The following KLHL4 variants were observed in gnomAD, a reference collection of about 807,000 sequenced individuals.
KLHL4 encodes the protein kelch like family member 4.
In KLHL4, 17 loss-of-function variants were observed where a neutral mutation model predicts 45.8. The ratio of observed to expected loss-of-function variants is 0.37; its 90% CI spans 0.25 to 0.56. The LOEUF (loss-of-function observed/expected upper bound fraction) is 0.56. KLHL4 is among the 20% of genes least tolerant of loss of function. The pLI is 0.79. For missense variants in KLHL4, 544 were observed against 544.9 expected (o/e 1.00, Z 0.02); for synonymous variants, 224 against 189.9 (o/e 1.18, Z -1.47).
At chrX:87,663,739 A>G (rs1000809076) in intron 9 of KLHL4, among the ~76,000 whole-genome samples, 1 of 112,340 alleles carries the variant, frequency 8.9e-6, no homozygotes, top group African/African-American at 3.2e-5. Context: ...GATATGCTAC[A>G]TGACACTCAA....
In KLHL4 at chrX:87,547,202, G is replaced by A. The variant is rs140201258; in HGVS notation, c.422+28887G>A. Among the ~76,000 whole-genome samples the A allele has an allele frequency of 4.6e-3, 512 of 111,286 alleles. 3 individuals carry two copies. Among genetic ancestry groups the A allele is most frequent in the African/African-American group, 0.016 (480 of 30,586 alleles). The stretch of plus-strand genomic sequence containing the variant: ...TGATTTGTAATTCCCAGGTGTTGAC[G>A]GAGGGACCTGGTGGGAGGCGATTTG... On this transcript the variant is annotated intron_variant, in intron 1 of 10. Coordinates refer to ENST00000373119, the MANE Select transcript of KLHL4 (RefSeq NM_019117.5).
chrX:87,576,330 G>A (rs1256170479), intron 1 of KLHL4, among the ~76,000 whole-genome samples: 1 of 110,747 alleles, frequency 9.0e-6, no homozygotes, highest in African/African-American at 3.3e-5. Flanking sequence ...TAAAACATAA[G>A]AAAAAAAACT....
Position 87,667,857 on chromosome X carries a change from A to C in KLHL4, c.*1323A>C. On this transcript the variant is annotated 3_prime_UTR_variant, in exon 11 of 11. Transcript: ENST00000373119. ...AATATACTACTAGCTTTTAAGTTTT[A>C]AGAAAGAAGAACGTAAGTTGTACAA... The C allele has an allele frequency of 1.5e-6, 1 of 671,287 alleles. No homozygotes were observed. The allele number at this position is 671,287 out of a possible 1,213,427, so 55.3% of individuals were successfully genotyped here. A position where few individuals can be genotyped will look rare whatever the true frequency, so the allele number is the denominator to read the frequency against.
At chrX:87,540,679 C>T (rs1232171867) in intron 1 of KLHL4, among the ~76,000 whole-genome samples, 2 of 110,914 alleles carry the variant, frequency 1.8e-5, no homozygotes, top group South Asian at 3.8e-4. Context: ...CTCCTGAAGG[C>T]CCTGCCTGAA....
chrX:87,666,616 T>C lies in KLHL4; in HGVS notation c.*82T>C, dbSNP rs1924378140. 1 of 1,031,853 alleles carries C rather than the reference T, an allele frequency of 9.7e-7. No homozygotes were observed. Among genetic ancestry groups the C allele is most frequent in the Non-Finnish European group, 1.3e-6 (1 of 797,571 alleles). 85.0% of individuals were successfully genotyped at this position (1,031,853 alleles called of 1,213,427 possible). ...GACAAAGGGAGAAAGAAATACATGT[T>C]CTTTTTCCTGCAATTAATAATCAGA... On this transcript the variant is annotated 3_prime_UTR_variant, in exon 11 of 11. Transcript: ENST00000373119.
chrX:87,555,514 T>G (rs1931950392), intron 1 of KLHL4, among the ~76,000 whole-genome samples: 1 of 109,627 alleles, frequency 9.1e-6, no homozygotes, highest in South Asian at 4.0e-4. Context: ...ATAGAGGTGT[T>G]TGTAGTATTC....
At chrX:87,586,398 C>CA (rs201009757) in intron 1 of KLHL4, among the ~76,000 whole-genome samples, 190 of 110,144 alleles carry the variant, frequency 1.7e-3, no homozygotes, top group African/African-American at 5.7e-3. Flanking sequence ...TTAAAACATT[C>CA]AAAAAAAACC....
chrX:87,607,762 G>A (rs1922245366), intron 1 of KLHL4, among the ~76,000 whole-genome samples: 1 of 111,091 alleles, frequency 9.0e-6, no homozygotes, highest in Admixed American at 9.6e-5. Context: ...TCCAAAACTT[G>A]CTCCTCATTC....
intron 1 of KLHL4, among the ~76,000 whole-genome samples, chrX:87,557,143 A>C (rs917552758): frequency 8.9e-6 from 1 of 112,287 alleles, no homozygotes; most frequent in Non-Finnish European, 1.9e-5. Flanking sequence ...CTGTGACTGA[A>C]AAGCAGCAAT....
Position 87,668,379 on chromosome X carries a change from G to A in KLHL4, c.*1845G>A, listed in dbSNP as rs773810986. ...AGAGTCATGCATGGACAAGAGGAAA[G>A]TGAAAGTTGAATACTCTCTTCTCAA... On this transcript the variant is annotated 3_prime_UTR_variant, in exon 11 of 11. Transcript: ENST00000373119. 3.9e-4 allele frequency: 293 copies of A among 751,145 alleles called. No individual in the cohort carries two copies. In the Middle Eastern group the frequency reaches 4.5e-3, roughly 12 times the overall value. 61.9% of individuals were successfully genotyped at this position (751,145 alleles called of 1,213,427 possible).
intron 1 of KLHL4, among the ~76,000 whole-genome samples, chrX:87,534,258 T>C (rs1271721009): frequency 1.8e-5 from 2 of 111,017 alleles, no homozygotes; most frequent in African/African-American, 6.5e-5. Flanking sequence ...AGGGAGCTCA[T>C]TAAAAATGTA....
At chrX:87,568,383 CTTTTTTTCTTT>C (rs1932262949) in intron 1 of KLHL4, among the ~76,000 whole-genome samples, 1 of 59,250 alleles carries the variant, frequency 1.7e-5, no homozygotes, top group African/African-American at 6.5e-5. Context: ...TTTTTCTTTT[CTTTTTTTCTTT>C]TTTTTTTTTT....
At chrX:87,662,705 G>A (rs12399680) in intron 9 of KLHL4, among the ~76,000 whole-genome samples, 27,922 of 109,403 alleles carry the variant, frequency 0.26, 3,207 homozygotes, top group East Asian at 0.41. Flanking sequence ...TGAGGCGGGC[G>A]GATCACGAGG....
chrX:87,604,705 C>A (rs1478881223), intron 1 of KLHL4, among the ~76,000 whole-genome samples: 1 of 111,134 alleles, frequency 9.0e-6, no homozygotes, highest in Non-Finnish European at 1.9e-5. Context: ...TATTTTCTCA[C>A]AATTTGAACA....
intron 9 of KLHL4, among the ~76,000 whole-genome samples, chrX:87,663,387 TACAGATGATA>T (rs1274057473): frequency 8.9e-6 from 1 of 112,506 alleles, no homozygotes; most frequent in Admixed American, 9.4e-5. Context: ...TGTGTATCTT[TACAGATGATA>T]ACCATATTAC....
intron 9 of KLHL4, among the ~76,000 whole-genome samples, chrX:87,662,756 C>A (rs1193946847): frequency 9.1e-6 from 1 of 109,421 alleles, no homozygotes; most frequent in Non-Finnish European, 1.9e-5. Context: ...GGTGAAACCC[C>A]GTCTCTACTA....
intron 5 of KLHL4, among the ~76,000 whole-genome samples, chrX:87,623,288 CTT>C (rs67869297): frequency 0.022 from 1,112 of 50,113 alleles, 12 homozygotes; most frequent in African/African-American, 0.089. Context: ...TTCCTTTTTT[CTT>C]TTTTTTTTTT....
chrX:87,548,236 A>C (rs1398846735), intron 1 of KLHL4, among the ~76,000 whole-genome samples: 1 of 111,751 alleles, frequency 8.9e-6, no homozygotes, highest in Non-Finnish European at 1.9e-5. Flanking sequence ...AAAAACTTTT[A>C]CCCTAGAATA....
At chrX:87,598,220 T>C (rs1163497765) in intron 1 of KLHL4, among the ~76,000 whole-genome samples, 2 of 111,152 alleles carry the variant, frequency 1.8e-5, no homozygotes, top group Admixed American at 1.9e-4. Flanking sequence ...TTTTGGTATG[T>C]AAAATTAATG....
Sources: allele counts gnomAD v4.1 joint callset (sites outside exome capture counted in the v4.1 genomes callset), GRCh38; gene constraint gnomAD v4.1.1; transcripts MANE v1.5; gene names NCBI Gene and HGNC (gene_info 2026-07-23, HGNC 2026-07-21).